Variants in SLC8A1 observed in about 807,000 individuals in gnomAD.
The protein encoded by SLC8A1 is solute carrier family 8 member A1.
In SLC8A1, 18 loss-of-function variants were observed where a neutral mutation model predicts 68.3. That is an observed-to-expected ratio of 0.26 (90% CI 0.18 to 0.39). The LOEUF is 0.39. Among genes scored for constraint, SLC8A1 ranks in the 10% least tolerant of loss-of-function variants. SLC8A1 has a pLI of 1.00. For synonymous variants in SLC8A1, 475 were observed against 415.5 expected (o/e 1.14, Z -1.74); for missense variants, 985 against 1,156.7 (o/e 0.85, Z 2.15).
intron 6 of SLC8A1, among the ~76,000 whole-genome samples, chr2:40,145,516 G>A (rs942558309): frequency 1.3e-5 from 2 of 152,112 alleles, no homozygotes; most frequent in African/African-American, 4.8e-5. Context: ...GCACTCAGTA[G>A]GCTTTCTCCT....
At chr2:40,322,843 C>T (rs1292982577) in intron 2 of SLC8A1, among the ~76,000 whole-genome samples, 2 of 150,884 alleles carry the variant, frequency 1.3e-5, no homozygotes, top group East Asian at 3.9e-4. Flanking sequence ...CACACACACA[C>T]ACACACACCA....
At chr2:40,310,519 A>G (rs973100596) in intron 2 of SLC8A1, among the ~76,000 whole-genome samples, 2 of 152,194 alleles carry the variant, frequency 1.3e-5, no homozygotes, top group African/African-American at 4.8e-5. Flanking sequence ...CAAGCAGCCA[A>G]GGATCTGTAG....
intron 2 of SLC8A1, among the ~76,000 whole-genome samples, chr2:40,366,819 T>C (rs1343135287): frequency 3.3e-5 from 5 of 152,008 alleles, no homozygotes; most frequent in Admixed American, 6.6e-5. Context: ...AAATATACTT[T>C]ACATTTTATG....
At chr2:40,412,731 A>G (rs1250756967) in intron 2 of SLC8A1, among the ~76,000 whole-genome samples, 1 of 152,186 alleles carries the variant, frequency 6.6e-6, no homozygotes, top group East Asian at 1.9e-4. Flanking sequence ...GGCATGAGTC[A>G]GTCATGACAA....
intron 2 of SLC8A1, among the ~76,000 whole-genome samples, chr2:40,304,366 TCAAATC>T (rs1559161883): frequency 6.6e-6 from 1 of 152,166 alleles, no homozygotes; most frequent in East Asian, 1.9e-4. Flanking sequence ...TAGACAGAAC[TCAAATC>T]CAAGGCATTT....
chr2:40,478,938 A>G (rs1704461833), intron 1 of SLC8A1, among the ~76,000 whole-genome samples: 1 of 151,662 alleles, frequency 6.6e-6, no homozygotes, highest in South Asian at 2.1e-4. Context: ...CGCCCAGCTA[A>G]TTTTTGTATT....
intron 2 of SLC8A1, among the ~76,000 whole-genome samples, chr2:40,337,772 C>T (rs368957548): frequency 6.6e-6 from 1 of 152,086 alleles, no homozygotes; most frequent in African/African-American, 2.4e-5. Flanking sequence ...CCTGATGATT[C>T]TATGAAGTTT....
At chr2:40,253,678 G>T (rs1487355896) in intron 2 of SLC8A1, among the ~76,000 whole-genome samples, 3 of 151,524 alleles carry the variant, frequency 2.0e-5, no homozygotes, top group Non-Finnish European at 4.4e-5. Context: ...AATACAAAAA[G>T]TAGCCAGGCA....
At chr2:40,244,889 G>A (rs554182154) in intron 2 of SLC8A1, among the ~76,000 whole-genome samples, 221 of 152,276 alleles carry the variant, frequency 1.5e-3, no homozygotes, top group Non-Finnish European at 2.9e-3. Context: ...GAGAAGGAAT[G>A]TCTGGGGGAT....
chr2:40,444,642 G>A (rs958624846), intron 1 of SLC8A1, among the ~76,000 whole-genome samples: 2 of 152,030 alleles, frequency 1.3e-5, no homozygotes, highest in African/African-American at 2.4e-5. Context: ...ACCTGTTCTC[G>A]TAAGGCGCAC....
intron 2 of SLC8A1, among the ~76,000 whole-genome samples, chr2:40,257,919 A>C (rs1169395916): frequency 6.6e-6 from 1 of 152,206 alleles, no homozygotes; most frequent in Non-Finnish European, 1.5e-5. Flanking sequence ...GATAATGCCT[A>C]AACTGTAATC....
At chr2:40,398,728 T>C (rs1687784575) in intron 2 of SLC8A1, among the ~76,000 whole-genome samples, 1 of 152,352 alleles carries the variant, frequency 6.6e-6, no homozygotes, top group African/African-American at 2.4e-5. Flanking sequence ...TTCCTTGTGA[T>C]TTTCATAACC....
At chr2:40,209,464 A>G (rs2056163531) in intron 2 of SLC8A1, among the ~76,000 whole-genome samples, 1 of 152,138 alleles carries the variant, frequency 6.6e-6, no homozygotes, top group Admixed American at 6.6e-5. Context: ...GCCAGATCAC[A>G]TGGGCCATGT....
intron 2 of SLC8A1, among the ~76,000 whole-genome samples, chr2:40,404,946 A>G (rs1000288841): frequency 6.6e-6 from 1 of 152,184 alleles, no homozygotes; most frequent in East Asian, 1.9e-4. Context: ...GGTAATAGCA[A>G]TTATTTCTAT....
At chr2:40,501,660 A>T (rs1706066538) in intron 1 of SLC8A1, among the ~76,000 whole-genome samples, 1 of 152,092 alleles carries the variant, frequency 6.6e-6, no homozygotes, top group Non-Finnish European at 1.5e-5. Flanking sequence ...AAGGAAGATA[A>T]ATGTTTCTTT....
chr2:40,222,484 A>T (rs2058461287), intron 2 of SLC8A1, among the ~76,000 whole-genome samples: 1 of 152,230 alleles, frequency 6.6e-6, no homozygotes, highest in Non-Finnish European at 1.5e-5. Context: ...TTCATGACTA[A>T]AACACTAAAA....
chr2:40,427,228 C>T lies in SLC8A1; in HGVS notation c.1808+1245G>A, dbSNP rs1576403637. ...AGAGATGTAAAGACACTGGAAGGCTCTCTCAGGAAAATCTGTTCTCTCTGC... is the reference window on the plus strand; with the variant it reads ...AGAGATGTAAAGACACTGGAAGGCTTTCTCAGGAAAATCTGTTCTCTCTGC... On this transcript the variant is annotated intron_variant, in intron 2 of 7. Coordinates refer to ENST00000406785, the Ensembl canonical transcript of SLC8A1. Among the ~76,000 whole-genome samples the T allele has an allele frequency of 2.0e-5, 3 of 152,114 alleles. No individual in the cohort carries two copies. The South Asian group carries it at 6.2e-4, about 32-fold the overall frequency.
chr2:40,168,188 A>T (rs2046871725), intron 4 of SLC8A1, among the ~76,000 whole-genome samples: 1 of 152,184 alleles, frequency 6.6e-6, no homozygotes, highest in Non-Finnish European at 1.5e-5. Flanking sequence ...GATAAGGACT[A>T]GGGGACCAGG....
At chr2:40,510,284 G>A (rs1366836888) in intron 1 of SLC8A1, among the ~76,000 whole-genome samples, 1 of 152,140 alleles carries the variant, frequency 6.6e-6, no homozygotes, top group Admixed American at 6.6e-5. Context: ...TGACTGTCAT[G>A]AATTTTCTTC....
Sources: allele counts gnomAD v4.1 joint callset (sites outside exome capture counted in the v4.1 genomes callset), GRCh38; gene constraint gnomAD v4.1.1; transcripts MANE v1.5; gene names NCBI Gene and HGNC (gene_info 2026-07-23, HGNC 2026-07-21).